Variants in MYH9 observed in about 807,000 individuals in gnomAD.
The protein encoded by MYH9 is myosin-9.
Under a neutral mutation model 241.9 loss-of-function variants are expected in MYH9, and 29 were observed. The observed-to-expected ratio is 0.12, with a 90% CI of 0.09 to 0.16. The LOEUF is 0.16. Among genes scored for constraint, MYH9 ranks in the 10% least tolerant of loss-of-function variants. The pLI, the probability that MYH9 is intolerant of heterozygous loss-of-function variation, is 1.00. For missense variants in MYH9, 1,803 were observed against 2,595.5 expected (o/e 0.69, Z 6.63); for synonymous variants, 1,047 against 1,062.6 (o/e 0.99, Z 0.29).
intron 1 of MYH9, among the ~76,000 whole-genome samples, chr22:36,375,863 T>C (rs2018157899): frequency 6.6e-6 from 1 of 152,166 alleles, no homozygotes. Context: ...TTTCCATTTT[T>C]TTAAATGTAA....
At chr22:36,331,989 T>C (rs6000240) in intron 3 of MYH9, among the ~76,000 whole-genome samples, 2,635 of 152,296 alleles carry the variant, frequency 0.017, 74 homozygotes, top group African/African-American at 0.06. Flanking sequence ...GAGTGGCCCC[T>C]GGGGGGTGGC....
Position 36,289,422 on chromosome 22 carries a change from A to G in MYH9, c.4345-125T>C. 4.7e-6 allele frequency: 4 copies of G among 844,612 alleles called. 1 individual carries two copies. Among genetic ancestry groups the G allele is most frequent in the Middle Eastern group, 3.4e-4 (1 of 2,914 alleles). 52.3% of individuals were successfully genotyped at this position (844,612 alleles called of 1,614,324 possible). On this transcript the variant is annotated intron_variant, in intron 31 of 40. Coordinates refer to ENST00000216181, the MANE Select transcript of MYH9 (RefSeq NM_002473.6). ...ACGGTGGAGAGGAGCAGGCCTAGGA[A>G]GCACAGGCCCAGGGCTGTGCCCAGG...
chr22:36,286,568 C>G (rs923479177), intron 35 of MYH9, 150 bp downstream of exon 35: 2 of 1,131,386 alleles, frequency 1.8e-6, no homozygotes, highest in African/African-American at 3.1e-5. Flanking sequence ...AAACGGAACC[C>G]TGGAGGGAAT....
chr22:36,293,326 A>G lies in MYH9; in HGVS notation c.4095+3T>C. 6.2e-7 allele frequency: 1 copy of G among 1,613,880 alleles called. No individual in the cohort carries two copies. The highest frequency in any genetic ancestry group is 8.5e-7 in the Non-Finnish European group (1 of 1,179,986). On this transcript the variant is annotated splice_donor_region_variant and intron_variant, in intron 30 of 40. Transcript: ENST00000216181. This position sits in a 1 kb window ranked among gnomAD's most constrained non-coding sequence, Gnocchi z 5.1. ...GTCCGGCCGGTCCCCCAGGCCTCCA[A>G]ACCTGGGCATGGAGGGTGGCGATCT...
At chr22:36,334,153 C>T (rs2017463355) in intron 3 of MYH9, among the ~76,000 whole-genome samples, 1 of 152,178 alleles carries the variant, frequency 6.6e-6, no homozygotes, top group Admixed American at 6.5e-5. Flanking sequence ...CTGCAGATTC[C>T]TCTTCTAGAA....
intron 28 of MYH9, 27 bp downstream of exon 28, chr22:36,294,065 G>A (rs374378783): frequency 3.5e-5 from 56 of 1,604,136 alleles, no homozygotes; most frequent in Middle Eastern, 1.7e-4. Flanking sequence ...CCCACTGCCC[G>A]CGCCAGGGTC....
At chr22:36,382,834 C>T (rs1046094522) in intron 1 of MYH9, among the ~76,000 whole-genome samples, 3 of 151,794 alleles carry the variant, frequency 2.0e-5, no homozygotes, top group Admixed American at 6.6e-5. Context: ...AATAAAATTA[C>T]TTAATTTTTC....
At chr22:36,351,703 A>G (rs1291614514) in intron 1 of MYH9, among the ~76,000 whole-genome samples, 1 of 152,044 alleles carries the variant, frequency 6.6e-6, no homozygotes, top group Non-Finnish European at 1.5e-5. Context: ...CAGCAATCAC[A>G]GAACACAGGT....
rs967663867 is a variant in MYH9 at position 36,330,020 on chromosome 22, T to A, written c.491-2532A>T. ...ATGTATTCACAGGTGAATGTGAACATACATGTATGTACATAGCCATGCACA... is the reference window on the plus strand; with the variant it reads ...ATGTATTCACAGGTGAATGTGAACAAACATGTATGTACATAGCCATGCACA... On this transcript the variant is annotated intron_variant, in intron 3 of 40. Coordinates refer to ENST00000216181, the MANE Select transcript of MYH9 (RefSeq NM_002473.6). The surrounding 1 kb of genome is among the most constrained non-coding windows in gnomAD (Gnocchi z 4.5). Among the ~76,000 whole-genome samples the A allele has an allele frequency of 2.0e-5, 3 of 152,294 alleles. No homozygotes were observed. The South Asian group carries it at 6.2e-4, about 32-fold the overall frequency.
rs996781341 is a variant in MYH9, at chr22:36,293,534, C to A, written c.3943-53G>T. On this transcript the variant is annotated intron_variant, in intron 29 of 40. Transcript: ENST00000216181. The surrounding 1 kb of genome is among the most constrained non-coding windows in gnomAD (Gnocchi z 5.1). ...TGCTTAGGAGGGTGGTGTCCAAAAC[C>A]CAGGAACCCCACACCCTTGAGGAGA... is the stretch of plus-strand genomic sequence containing the variant. The A allele has an allele frequency of 7.5e-6, 12 of 1,604,022 alleles. No individual in the cohort carries two copies. Among genetic ancestry groups the A allele is most frequent in the Non-Finnish European group, 8.5e-6 (10 of 1,177,154 alleles).
chr22:36,384,614 ATATATATATATATAT>A (rs2018318777), intron 1 of MYH9, among the ~76,000 whole-genome samples: 13 of 18,662 alleles, frequency 7.0e-4, no homozygotes, highest in African/African-American at 3.1e-3. Context: ...AAAAAAAAAT[ATATATATATATATAT>A]ATATATATAT....
intron 5 of MYH9, among the ~76,000 whole-genome samples, chr22:36,324,265 C>T (rs1270694716): frequency 1.3e-5 from 2 of 152,240 alleles, no homozygotes; most frequent in Non-Finnish European, 2.9e-5. Flanking sequence ...TAACCTATGG[C>T]TTTTTCTCTA....
At chr22:36,387,505 C>T (rs2018373224) in intron 1 of MYH9, among the ~76,000 whole-genome samples, 1 of 151,848 alleles carries the variant, frequency 6.6e-6, no homozygotes, top group Admixed American at 6.6e-5. Context: ...GGCTCCAGTG[C>T]CCAGTCCTGA....
chr22:36,341,566 T>C (rs767275197), intron 2 of MYH9, 40 bp from the exon 3 acceptor site: 3 of 1,608,524 alleles, frequency 1.9e-6, no homozygotes, highest in East Asian at 2.2e-5. Flanking sequence ...GTTAGGAAGT[T>C]TGATTCTCAG....
intron 1 of MYH9, among the ~76,000 whole-genome samples, chr22:36,374,083 T>C (rs2018128498): frequency 6.6e-6 from 1 of 151,852 alleles, no homozygotes. Flanking sequence ...TTTTTTTTAC[T>C]TTAAAAACAG....
chr22:36,306,203 G>C lies in MYH9; in HGVS notation c.2038-152C>G, dbSNP rs2016966971. 3 of 1,382,646 alleles carry C rather than the reference G, an allele frequency of 2.2e-6. No homozygotes were observed. The highest frequency in any genetic ancestry group is 1.9e-5 in the Admixed American group (1 of 53,942). The allele number at this position is 1,382,646 out of a possible 1,614,324, so 85.6% of individuals were successfully genotyped here. A position where few individuals can be genotyped will look rare whatever the true frequency, so the allele number is the denominator to read the frequency against. ...TTGGACAATGAAGTCAAAGGATCCA[G>C]GTCTGGGAGGGGCCAATGCCACCAA... is the stretch of plus-strand genomic sequence containing the variant. On this transcript the variant is annotated intron_variant, in intron 16 of 40. Coordinates refer to ENST00000216181, the MANE Select transcript of MYH9 (RefSeq NM_002473.6). This position sits in a 1 kb window ranked among gnomAD's most constrained non-coding sequence, Gnocchi z 4.1.
rs1200383147 is a variant in MYH9 at position 36,306,033 on chromosome 22, G to A, written c.2056C>T (p.His686Tyr). 1.9e-6 allele frequency: 3 copies of A among 1,613,288 alleles called. No homozygotes were observed. The highest frequency in any genetic ancestry group is 1.7e-5 in the Admixed American group (1 of 60,034). ...HEKKAGKLDP[H>Y]LVLDQLRCNG... Reference sequence around the variant, plus strand: ...CAGCGCAGCTGGTCCAGCACGAGATGCGGGTCCAGCTTGCCGGCCTGGAGA... The same window carrying A: ...CAGCGCAGCTGGTCCAGCACGAGATACGGGTCCAGCTTGCCGGCCTGGAGA... Residue 686 changes from histidine to tyrosine, a missense_variant, in exon 17 of 41, where the codon CAT (histidine) becomes TAT (tyrosine). Physicochemically the swap from His to Tyr is moderately conservative, Grantham distance 83. This residue lies in a region of MYH9 where 163 missense variants were observed against 349.7 expected (regional missense o/e 0.47). Coordinates refer to ENST00000216181, the MANE Select transcript of MYH9 (RefSeq NM_002473.6). The surrounding 1 kb of genome is among the most constrained non-coding windows in gnomAD (Gnocchi z 4.1).
intron 2 of MYH9, among the ~76,000 whole-genome samples, chr22:36,348,645 T>C (rs748993186): frequency 3.3e-5 from 5 of 151,770 alleles, no homozygotes; most frequent in Non-Finnish European, 5.9e-5. Flanking sequence ...CAGGGCCATA[T>C]TCTTCTCCCT....
chr22:36,303,674 CTAAG>C (rs890850547), intron 19 of MYH9, among the ~76,000 whole-genome samples: 90 of 150,530 alleles, frequency 6.0e-4, no homozygotes, highest in African/African-American at 1.8e-3. Context: ...ACCTCAGCTA[CTAAG>C]TGAGGCTGAG....
Sources: allele counts gnomAD v4.1 joint callset (sites outside exome capture counted in the v4.1 genomes callset), GRCh38; gene constraint gnomAD v4.1.1; regional missense constraint gnomAD v4.1.1; non-coding constraint Gnocchi (gnomAD v3.1); transcripts MANE v1.5; gene names NCBI Gene and HGNC (gene_info 2026-07-23, HGNC 2026-07-21).